Variants in FAR1 observed in about 807,000 individuals in gnomAD.
FAR1 encodes the protein male sterility domain-containing protein 2.
FAR1 carries 22 observed loss-of-function variants against 61.1 expected under a neutral mutation model. The ratio of observed to expected loss-of-function variants is 0.36; its 90% CI spans 0.26 to 0.51. The LOEUF (loss-of-function observed/expected upper bound fraction) is 0.51, where lower values mean the gene tolerates loss of function less well. FAR1 is among the 20% of genes least tolerant of loss of function. The probability of loss-of-function intolerance (pLI) is 0.95; values close to 1 mark genes in which losing one functional copy is unlikely to be tolerated. For missense variants in FAR1, 359 were observed against 626.9 expected, an observed-to-expected ratio of 0.57 and a Z score of 4.56; for synonymous variants, 206 against 209.7, an observed-to-expected ratio of 0.98 and a Z score of 0.15.
intron 8 of FAR1, 139 bp downstream of exon 8, chr11:13,713,172 T>G: frequency 1.3e-6 from 1 of 744,578 alleles, no homozygotes; most frequent in Non-Finnish European, 2.4e-6. Context: ...CTTAGAAGTA[T>G]TATCTACCAA....
At chr11:13,712,072 T>C (rs746630054) in intron 7 of FAR1, 26 bp downstream of exon 7, 1 of 1,437,252 alleles carries the variant, frequency 7.0e-7, no homozygotes, top group Non-Finnish European at 9.8e-7. Context: ...ATGTCGCTTA[T>C]TAAATATATA....
intron 10 of FAR1, among the ~76,000 whole-genome samples, chr11:13,725,112 T>G (rs1848655845): frequency 6.6e-6 from 1 of 152,232 alleles, no homozygotes; most frequent in Non-Finnish European, 1.5e-5. Flanking sequence ...ACATTTGAGT[T>G]ATTTCCAGTT....
chr11:13,677,626 G>A (rs910986568), intron 1 of FAR1, among the ~76,000 whole-genome samples: 1 of 152,218 alleles, frequency 6.6e-6, no homozygotes, highest in Non-Finnish European at 1.5e-5. Context: ...TGGAAAGGCT[G>A]GCTGGGGCTA....
intron 9 of FAR1, chr11:13,720,443 C>T (rs1321708777): frequency 2.0e-5 from 3 of 152,100 alleles, no homozygotes; most frequent in Non-Finnish European, 2.9e-5. Context: ...ATCTACAGAA[C>T]TATCCCTGTC....
chr11:13,729,003 A>G lies in FAR1; in HGVS notation c.*229A>G, dbSNP rs1032301996. 1 of 375,316 alleles carries G rather than the reference A, an allele frequency of 2.7e-6. No individual in the cohort carries two copies. Among genetic ancestry groups the G allele is most frequent in the African/African-American group, 2.0e-5 (1 of 48,978 alleles). The allele number at this position is 375,316 out of a possible 1,614,324, so 23.2% of individuals were successfully genotyped here. On this transcript the variant is annotated 3_prime_UTR_variant, in exon 12 of 12. Transcript: ENST00000354817. Reference sequence around the variant, plus strand: ...ATCTACAGTAGCCACCAAAACCATGACTTAATATTTTGAGCCCTAGAAGAA... The same window carrying G: ...ATCTACAGTAGCCACCAAAACCATGGCTTAATATTTTGAGCCCTAGAAGAA...
intron 1 of FAR1, 94 bp from the exon 2 acceptor site, chr11:13,694,665 T>G: frequency 8.8e-7 from 1 of 1,141,642 alleles, no homozygotes; most frequent in Non-Finnish European, 1.2e-6. Context: ...TTTGTCTGCT[T>G]TTTAAAATAC....
chr11:13,694,711 A>G, intron 1 of FAR1, 48 bp from the exon 2 acceptor site: 2 of 1,438,428 alleles, frequency 1.4e-6, no homozygotes, highest in Non-Finnish European at 1.9e-6. Context: ...GTATGAAAGA[A>G]TGATGGTGAA....
intron 11 of FAR1, among the ~76,000 whole-genome samples, chr11:13,728,033 T>A (rs925070625): frequency 2.6e-5 from 4 of 151,852 alleles, no homozygotes; most frequent in African/African-American, 9.7e-5. Flanking sequence ...CGAACCTCTT[T>A]TCTCTACATC....
rs182055315 is a variant in FAR1 at position 13,697,823 on chromosome 11, A to G, written c.190-2494A>G. ...AGGTTCCTTTTCCTCTGCTTGCCCCATAAGGATTGATATTCTTCAAGTTTC... is the reference window on the plus strand; with the variant it reads ...AGGTTCCTTTTCCTCTGCTTGCCCCGTAAGGATTGATATTCTTCAAGTTTC... On this transcript the variant is annotated intron_variant, in intron 2 of 11. Coordinates refer to ENST00000354817, the MANE Select transcript of FAR1 (RefSeq NM_032228.6). Among the ~76,000 whole-genome samples the G allele has an allele frequency of 2.4e-4, 37 of 152,294 alleles. No individual in the cohort carries two copies. In the East Asian group the frequency reaches 6.0e-3, roughly 25 times the overall value.
At chr11:13,696,378 A>AGT (rs1463195984) in intron 2 of FAR1, among the ~76,000 whole-genome samples, 1 of 152,078 alleles carries the variant, frequency 6.6e-6, no homozygotes, top group East Asian at 1.9e-4. Flanking sequence ...AGGAAGAGGG[A>AGT]GTGATAGACG....
intron 2 of FAR1, among the ~76,000 whole-genome samples, chr11:13,698,894 A>G (rs748512716): frequency 5.3e-5 from 8 of 152,064 alleles, no homozygotes; most frequent in Non-Finnish European, 1.2e-4. Flanking sequence ...CATCTTTTTA[A>G]TGTGGCTTAA....
At position 13,709,328 on chromosome 11, in the gene FAR1, G is replaced by T. The variant is rs180917363; in HGVS notation, c.545+1249G>T. Reference sequence around the variant, plus strand: ...TATTTTCTCACTCATTTTCTTAGATGGTCCCAAATATCTACTTCATTTTCT... The same window carrying T: ...TATTTTCTCACTCATTTTCTTAGATTGTCCCAAATATCTACTTCATTTTCT... On this transcript the variant is annotated intron_variant, in intron 4 of 11. Coordinates refer to ENST00000354817, the MANE Select transcript of FAR1 (RefSeq NM_032228.6). 5.3e-5 allele frequency among the ~76,000 whole-genome samples: 8 copies of T among 152,006 alleles called. No individual in the cohort carries two copies. In the South Asian group the frequency reaches 8.3e-4, roughly 16 times the overall value.
At chr11:13,673,867 G>A (rs1266448056) in intron 1 of FAR1, among the ~76,000 whole-genome samples, 1 of 152,036 alleles carries the variant, frequency 6.6e-6, no homozygotes, top group Non-Finnish European at 1.5e-5. Context: ...CCAATTTGTT[G>A]TGCACTTTTT....
chr11:13,710,709 C>G lies in FAR1; in HGVS notation c.562C>G (p.Leu188Val), dbSNP rs1244533304. 1 of 1,589,680 alleles carries G rather than the reference C, an allele frequency of 6.3e-7. No homozygotes were observed. ...IDSLEWMDDG[L>V]VNDITPKLIG... is the part of the protein sequence containing the mutation. ...CTTTACCAGGTGGATGGATGATGGCCTAGTAAATGATATCACGCCAAAATT... is the reference window on the plus strand; with the variant it reads ...CTTTACCAGGTGGATGGATGATGGCGTAGTAAATGATATCACGCCAAAATT... The change falls in exon 5 of 12, where the codon CTA (leucine) becomes GTA (valine). Residue 188 changes from leucine to valine, a missense_variant. By Grantham distance (32) the Leu-to-Val change is conservative. Around this residue, in one of 2 missense-constraint regions of FAR1, gnomAD observed 344 missense variants for 570.3 expected, o/e 0.60. Transcript: ENST00000354817.
intron 1 of FAR1, among the ~76,000 whole-genome samples, chr11:13,689,873 C>CTTTT (rs71041539): frequency 5.1e-5 from 6 of 118,488 alleles, no homozygotes; most frequent in Admixed American, 8.9e-5. Context: ...TCATTTCGAT[C>CTTTT]TTTTTTTTTT....
At position 13,711,010 on chromosome 11, in the gene FAR1, A is replaced by C. The variant is rs143433267; in HGVS notation, c.723+140A>C. On this transcript the variant is annotated intron_variant, in intron 5 of 11. Coordinates refer to ENST00000354817, the MANE Select transcript of FAR1 (RefSeq NM_032228.6). ...ACCATGGCAAAGCTGTTTTGTGTTC[A>C]TAGAGTTAATTTTATTGGTACTTTC... The C allele has an allele frequency of 8.3e-4, 559 of 676,866 alleles. 3 individuals carry two copies. The African/African-American group carries it at 9.5e-3, about 11-fold the overall frequency. The allele number at this position is 676,866 out of a possible 1,614,324, so 41.9% of individuals were successfully genotyped here. A position where few individuals can be genotyped will look rare whatever the true frequency, so the allele number is the denominator to read the frequency against.
intron 1 of FAR1, among the ~76,000 whole-genome samples, chr11:13,694,365 A>G (rs1454300731): frequency 1.3e-5 from 2 of 152,136 alleles, no homozygotes; most frequent in Non-Finnish European, 2.9e-5. Context: ...GCTGACCTGT[A>G]TTTGGTGTTA....
At chr11:13,685,283 ATT>A (rs930456220) in intron 1 of FAR1, among the ~76,000 whole-genome samples, 1 of 145,166 alleles carries the variant, frequency 6.9e-6, no homozygotes, top group Non-Finnish European at 1.5e-5. Flanking sequence ...TAACTACCTG[ATT>A]TTTTTTTTTT....
intron 10 of FAR1, chr11:13,723,397 CTTT>C (rs777285403): frequency 5.0e-5 from 18 of 359,676 alleles, no homozygotes; most frequent in Non-Finnish European, 7.9e-5. Flanking sequence ...CAAAAAAAAA[CTTT>C]TTTATTTATA....
Sources: gnomAD v4.1 joint callset for allele counts (sites outside exome capture counted in the v4.1 genomes callset) on GRCh38, gnomAD v4.1.1 for gene constraint, gnomAD v4.1.1 regional missense constraint, MANE v1.5 for transcripts, NCBI Gene and HGNC (gene_info 2026-07-23, HGNC 2026-07-21) for gene names.